The following E2F7 variants were observed in gnomAD, a reference collection of about 807,000 sequenced individuals.
E2F7 encodes the protein E2F transcription factor 7.
A neutral mutation model predicts 81.1 loss-of-function variants in E2F7; 35 were observed. The ratio of observed to expected loss-of-function variants is 0.43; its 90% CI spans 0.33 to 0.57. The LOEUF (loss-of-function observed/expected upper bound fraction) is 0.57, where lower values mean the gene tolerates loss of function less well. Ranked by LOEUF, E2F7 falls within the 20% of genes least tolerant of loss-of-function variation. E2F7 has a pLI of 0.04. For synonymous variants in E2F7, 416 were observed against 416.2 expected, an observed-to-expected ratio of 1.00 and a Z score of 0.01; for missense variants, 961 against 1,093.7, an observed-to-expected ratio of 0.88 and a Z score of 1.71.
chr12:77,050,609 T>C lies in E2F7; in HGVS notation c.505A>G (p.Thr169Ala). The part of the protein sequence containing the change: ...PSYPLSTEKT[T>A]ISLDEVAVSL... ...ACAGCAACTTCATCTAGGGAGATGG[T>C]AGTTTTCTCAGTTGACAAGGGATAA... Residue 169 changes from threonine to alanine, a missense_variant, in exon 4 of 13, where the codon ACC becomes GCC. This residue lies in a region of E2F7 where 301 missense variants were observed against 405.0 expected (regional missense o/e 0.74). Coordinates refer to ENST00000322886, the MANE Select transcript of E2F7 (RefSeq NM_203394.3). The C allele has an allele frequency of 6.2e-7, 1 of 1,614,070 alleles. No individual in the cohort carries two copies. Among genetic ancestry groups the C allele is most frequent in the Non-Finnish European group, 8.5e-7 (1 of 1,179,946 alleles).
At chr12:77,028,489 A>G (rs1954777697) in intron 10 of E2F7, among the ~76,000 whole-genome samples, 1 of 145,118 alleles carries the variant, frequency 6.9e-6, no homozygotes, top group Admixed American at 7.0e-5. Flanking sequence ...TTTTTTTGAG[A>G]CAGAGTCTCG....
In E2F7 at chr12:77,022,759, T is replaced by C. The variant is rs1262391337; in HGVS notation, c.*1256A>G. On this transcript the variant is annotated 3_prime_UTR_variant, in exon 13 of 13. Transcript: ENST00000322886. Reference sequence around the variant, plus strand: ...AGTCTAGGAATACAAAGAACTAGTATAGTTTGGCGACTTAATGCACCCCTA... The same window carrying C: ...AGTCTAGGAATACAAAGAACTAGTACAGTTTGGCGACTTAATGCACCCCTA... The C allele has an allele frequency of 6.6e-6, 1 of 152,184 alleles. No individual in the cohort carries two copies. Among genetic ancestry groups the C allele is most frequent in the Non-Finnish European group, 1.5e-5 (1 of 68,004 alleles). The allele number at this position is 152,184 out of a possible 1,614,324, so 9.4% of individuals were successfully genotyped here. A position where few individuals can be genotyped will look rare whatever the true frequency, so the allele number is the denominator to read the frequency against.
At chr12:77,037,166 A>AT (rs1314277025) in intron 7 of E2F7, among the ~76,000 whole-genome samples, 1 of 152,232 alleles carries the variant, frequency 6.6e-6, no homozygotes, top group African/African-American at 2.4e-5. Context: ...ACTAAAAGAA[A>AT]TGTTAAAGTT....
At chr12:77,046,361 GCAGA>G in intron 4 of E2F7, 33 bp from the exon 5 acceptor site, 1 of 1,589,822 alleles carries the variant, frequency 6.3e-7, no homozygotes, top group Non-Finnish European at 8.6e-7. Flanking sequence ...TGGACATCAT[GCAGA>G]CAAACATTTT....
intron 12 of E2F7, 113 bp from the exon 13 acceptor site, chr12:77,024,298 T>C: frequency 8.5e-7 from 1 of 1,172,008 alleles, no homozygotes; most frequent in East Asian, 2.6e-5. Flanking sequence ...AGGCGTTCCT[T>C]CTTCTTTGCT....
intron 7 of E2F7, among the ~76,000 whole-genome samples, chr12:77,039,785 G>A (rs996110688): frequency 2.6e-5 from 4 of 152,272 alleles, no homozygotes; most frequent in East Asian, 1.9e-4. Context: ...CCTACCATAC[G>A]ATGCAGCCTT....
At chr12:77,024,925 A>T (rs2120606444) in intron 12 of E2F7, among the ~76,000 whole-genome samples, 1 of 152,342 alleles carries the variant, frequency 6.6e-6, no homozygotes, top group Non-Finnish European at 1.5e-5. Context: ...GTGTAATAGG[A>T]ATTCAACGAA....
In E2F7 at chr12:77,027,960, A is replaced by G; in HGVS notation, c.2063T>C (p.Val688Ala). 6 of 1,614,216 alleles carry G rather than the reference A, an allele frequency of 3.7e-6. No individual in the cohort carries two copies. Among genetic ancestry groups the G allele is most frequent in the Non-Finnish European group, 5.1e-6 (6 of 1,180,034 alleles). Residue 688 changes from valine (V) to alanine (A), a missense_variant, in exon 11 of 13, where the codon GTT (valine) becomes GCT (alanine). Around this residue, in one of 3 missense-constraint regions of E2F7, gnomAD observed 587 missense variants for 620.3 expected, o/e 0.95. Transcript: ENST00000322886. The stretch of plus-strand genomic sequence containing the variant: ...TTCATTTTCTTTTGAAGGCTTTTCA[A>G]CATCTGTATTTCTTGAAGGATTTCC... ...EWGNPSRNTD[V>A]EKPSKENEST...
At chr12:77,058,125 C>T (rs1307415649) in intron 2 of E2F7, among the ~76,000 whole-genome samples, 1 of 152,082 alleles carries the variant, frequency 6.6e-6, no homozygotes, top group African/African-American at 2.4e-5. Flanking sequence ...AGTAAGTACT[C>T]GGCCCAGAAT....
At chr12:77,051,807 T>C (rs1402191941) in intron 3 of E2F7, among the ~76,000 whole-genome samples, 1 of 152,128 alleles carries the variant, frequency 6.6e-6, no homozygotes, top group African/African-American at 2.4e-5. Context: ...TATTGAAGAC[T>C]CTAGTCAATG....
At chr12:77,056,168 G>A (rs780232310) in intron 2 of E2F7, 38 bp from the exon 3 acceptor site, 1 of 1,545,396 alleles carries the variant, frequency 6.5e-7, no homozygotes. Flanking sequence ...GAATGAGAAA[G>A]GGCAGGTATC....
Position 77,021,311 on chromosome 12 carries a change from A to G in E2F7, c.*2704T>C, listed in dbSNP as rs1354165109. On this transcript the variant is annotated 3_prime_UTR_variant, in exon 13 of 13. Transcript: ENST00000322886. Reference sequence around the variant, plus strand: ...CTTAATATTTTCCTAAAAATATTAGAAAAAAAATCAGAACAAAAAATCAGT... The same window carrying G: ...CTTAATATTTTCCTAAAAATATTAGGAAAAAAATCAGAACAAAAAATCAGT... 1.3e-5 allele frequency: 2 copies of G among 152,470 alleles called. No homozygotes were observed. Among genetic ancestry groups the G allele is most frequent in the Admixed American group, 6.6e-5 (1 of 15,266 alleles). The allele number at this position is 152,470 out of a possible 1,614,324, so 9.4% of individuals were successfully genotyped here. A position where few individuals can be genotyped will look rare whatever the true frequency, so the allele number is the denominator to read the frequency against.
intron 2 of E2F7, among the ~76,000 whole-genome samples, chr12:77,058,905 G>A (rs1955055874): frequency 6.6e-6 from 1 of 152,182 alleles, no homozygotes; most frequent in Non-Finnish European, 1.5e-5. Flanking sequence ...AGGTCAAGAA[G>A]CAAGTTCCAC....
At chr12:77,064,477 C>G in intron 2 of E2F7, 66 bp downstream of exon 2, 1 of 1,261,802 alleles carries the variant, frequency 7.9e-7, no homozygotes, top group Non-Finnish European at 1.2e-6. Flanking sequence ...CATGTTGGAA[C>G]ACTTAATTGA....
At chr12:77,062,777 A>G (rs900858425) in intron 2 of E2F7, among the ~76,000 whole-genome samples, 4 of 152,134 alleles carry the variant, frequency 2.6e-5, no homozygotes, top group African/African-American at 9.7e-5. Context: ...TTCAAGGCTG[A>G]ACCATCCAAA....
At chr12:77,061,523 C>G (rs948252955) in intron 2 of E2F7, among the ~76,000 whole-genome samples, 1 of 152,226 alleles carries the variant, frequency 6.6e-6, no homozygotes, top group Non-Finnish European at 1.5e-5. Flanking sequence ...TTGGCCCAGA[C>G]TGTTTTCCAC....
chr12:77,050,942 A>G (rs1298374888), intron 3 of E2F7, among the ~76,000 whole-genome samples, 198 bp from the exon 4 acceptor site: 1 of 151,952 alleles, frequency 6.6e-6, no homozygotes, highest in Admixed American at 6.6e-5. Flanking sequence ...TTTCTCCTTT[A>G]TAATTTGAGG....
At chr12:77,032,578 G>A (rs1954815676) in intron 9 of E2F7, among the ~76,000 whole-genome samples, 1 of 152,192 alleles carries the variant, frequency 6.6e-6, no homozygotes. Flanking sequence ...GACTGGGCAA[G>A]TTACATAACC....
In E2F7 at chr12:77,055,957, C is replaced by T. The variant is rs774252701; in HGVS notation, c.267G>A (p.Met89Ile). 2 of 1,614,096 alleles carry T rather than the reference C, an allele frequency of 1.2e-6. No homozygotes were observed. The highest frequency in any genetic ancestry group is 1.1e-5 in the South Asian group (1 of 91,074). The change falls in exon 3 of 13, where the codon ATG (methionine) becomes ATA (isoleucine). Residue 89 changes from methionine to isoleucine, a missense_variant. Met to Ile is a conservative substitution (Grantham distance 10). This residue lies in a region of E2F7 where 301 missense variants were observed against 405.0 expected (regional missense o/e 0.74). Coordinates refer to ENST00000322886, the MANE Select transcript of E2F7 (RefSeq NM_203394.3). ...EPWTPTANLK[M>I]LISAASPDIR... Reference sequence around the variant, plus strand: ...TATCTGGGCTGGCAGCACTAATGAGCATCTTCAGGTTAGCTGTGGGTGTCC... The same window carrying T: ...TATCTGGGCTGGCAGCACTAATGAGTATCTTCAGGTTAGCTGTGGGTGTCC...
Sources: allele counts gnomAD v4.1 joint callset (sites outside exome capture counted in the v4.1 genomes callset), GRCh38; gene constraint gnomAD v4.1.1; regional missense constraint gnomAD v4.1.1; transcripts MANE v1.5; gene names NCBI Gene and HGNC (gene_info 2026-07-23, HGNC 2026-07-21).